LAMA5: variants seen among roughly 807,000 people sequenced by gnomAD.
The protein encoded by LAMA5 is laminin subunit alpha 5.
A neutral mutation model predicts 433.4 loss-of-function variants in LAMA5; 260 were observed. That is an observed-to-expected ratio of 0.60 (90% CI 0.54 to 0.66). LAMA5 has a LOEUF of 0.66. Among genes scored for constraint, LAMA5 ranks in the 30% least tolerant of loss-of-function variants. The pLI, the probability that LAMA5 is intolerant of heterozygous loss-of-function variation, is 0.00. For synonymous variants in LAMA5, 2,620 were observed against 2,226.6 expected (o/e 1.18, Z -4.97); for missense variants, 5,378 against 5,258.5 (o/e 1.02, Z -0.70).
chr20:62,363,863 C>A (rs562235373), intron 1 of LAMA5, among the ~76,000 whole-genome samples: 1 of 152,062 alleles, frequency 6.6e-6, no homozygotes, highest in Non-Finnish European at 1.5e-5. Context: ...CAGGGCAACA[C>A]CCGGTACCCC....
intron 40 of LAMA5, among the ~76,000 whole-genome samples, chr20:62,325,980 G>A (rs1979213358): frequency 6.6e-6 from 1 of 152,200 alleles, no homozygotes; most frequent in South Asian, 2.1e-4. Context: ...CAGCACTTTG[G>A]GAGGCTGAGG....
chr20:62,331,766 G>T (rs6121540), intron 28 of LAMA5, among the ~76,000 whole-genome samples: 134,978 of 152,206 alleles, frequency 0.89, 61,090 homozygotes, highest in Non-Finnish European at 0.98. Context: ...TATAGAAAGT[G>T]CCAGGCCAGG....
chr20:62,310,342 G>T (rs768753176), intron 76 of LAMA5, 31 bp from the exon 77 acceptor site: 1 of 1,574,900 alleles, frequency 6.3e-7, no homozygotes, highest in South Asian at 1.2e-5. Context: ...GGAGAAGAAA[G>T]GGGGGGCCCC....
At chr20:62,320,447 G>T (rs1026122269) in intron 50 of LAMA5, 112 bp downstream of exon 50, 43 of 775,058 alleles carry the variant, frequency 5.5e-5, no homozygotes, top group Admixed American at 2.0e-4. Flanking sequence ...CCTGTCCCCT[G>T]CACTGACACA....
intron 6 of LAMA5, among the ~76,000 whole-genome samples, chr20:62,347,231 T>C (rs920755363): frequency 6.6e-6 from 1 of 151,044 alleles, no homozygotes; most frequent in Admixed American, 6.6e-5. Flanking sequence ...CTGACGCAAC[T>C]TCCCCAGGCT....
intron 2 of LAMA5, among the ~76,000 whole-genome samples, chr20:62,354,721 A>G (rs1568979718): frequency 6.6e-6 from 1 of 152,050 alleles, no homozygotes; most frequent in Non-Finnish European, 1.5e-5. Flanking sequence ...GCTGCAGCCA[A>G]GTGCTCCCAC....
At chr20:62,366,644 T>G (rs1568997212) in intron 1 of LAMA5, among the ~76,000 whole-genome samples, 2 of 152,204 alleles carry the variant, frequency 1.3e-5, no homozygotes, top group African/African-American at 2.4e-5. Context: ...GATCCCGGAC[T>G]TGGGGCCGCC....
intron 20 of LAMA5, 147 bp from the exon 21 acceptor site, chr20:62,334,768 G>GGCGAGA: frequency 1.6e-6 from 1 of 633,998 alleles, no homozygotes; most frequent in Non-Finnish European, 2.7e-6. Context: ...CGAGGGCGAG[G>GGCGAGA]GCGAGGGTGA....
intron 18 of LAMA5, among the ~76,000 whole-genome samples, chr20:62,336,074 GCCC>G (rs963599669): frequency 3.0e-5 from 4 of 134,198 alleles, no homozygotes; most frequent in African/African-American, 8.7e-5. Context: ...ACAGGCTCTA[GCCC>G]CCCAAGGAAC....
chr20:62,351,677 C>T (rs372712544), intron 6 of LAMA5, 27 bp downstream of exon 6: 407 of 1,600,952 alleles, frequency 2.5e-4, no homozygotes, highest in Admixed American at 7.7e-4. Flanking sequence ...CTCACCTGAA[C>T]GGGGCCTCAC....
chr20:62,317,601 C>T (rs777951799), intron 54 of LAMA5, 61 bp downstream of exon 54: 32 of 1,517,500 alleles, frequency 2.1e-5, no homozygotes, highest in South Asian at 2.6e-5. Context: ...AAGCTGCCCA[C>T]GGGCCTGGGA....
Position 62,317,071 on chromosome 20 carries a change from CG to C in LAMA5, c.7512-49del, listed in dbSNP as rs539345998. ...AGGAGTGGGTAAGCGCAGACGCCCT[CG>C]GCCTGGCTCTCCAGCCTCCTGCGCT... On this transcript the variant is annotated intron_variant, in intron 55 of 79. Transcript: ENST00000252999. The C allele has an allele frequency of 6.2e-4, 923 of 1,487,412 alleles. 5 individuals are homozygous for C. The African/African-American group carries it at 0.012, about 20-fold the overall frequency. The allele number at this position is 1,487,412 out of a possible 1,614,324, so 92.1% of individuals were successfully genotyped here. A position where few individuals can be genotyped will look rare whatever the true frequency, so the allele number is the denominator to read the frequency against.
chr20:62,318,896 TC>T lies in LAMA5; in HGVS notation c.6988del (p.Asp2330ThrfsTer27). On this transcript the variant is annotated frameshift_variant, in exon 52 of 80. Transcript: ENST00000252999. LOFTEE classifies it high-confidence loss of function. The part of the protein sequence containing the change: ...ERLLWEMRAR[D>X]LGAPQAAAEA... ...AGCTGCTGCCTGCGGGGCCCCCAGGTCCCGGGCCCGCATCTCCCAGAGCAGC... is the reference window on the plus strand; with the variant it reads ...AGCTGCTGCCTGCGGGGCCCCCAGGTCCGGGCCCGCATCTCCCAGAGCAGC... The T allele has an allele frequency of 1.2e-6, 2 of 1,606,354 alleles. No individual in the cohort carries two copies. The highest frequency in any genetic ancestry group is 1.7e-6 in the Non-Finnish European group (2 of 1,178,344).
intron 16 of LAMA5, 115 bp downstream of exon 16, chr20:62,337,475 A>G: frequency 1.5e-6 from 2 of 1,376,580 alleles, no homozygotes; most frequent in Non-Finnish European, 1.0e-6. Context: ...ACGCAGTCGC[A>G]GTACACACAG....
intron 50 of LAMA5, among the ~76,000 whole-genome samples, chr20:62,320,010 G>T (rs946041081): frequency 1.1e-4 from 16 of 152,146 alleles, no homozygotes; most frequent in African/African-American, 3.6e-4. Context: ...TCAATTTAAT[G>T]AAATAGTTAC....
chr20:62,350,057 T>C (rs1031165033), intron 6 of LAMA5, among the ~76,000 whole-genome samples: 2 of 151,648 alleles, frequency 1.3e-5, no homozygotes, highest in Admixed American at 6.6e-5. Flanking sequence ...TGTGGTTCCA[T>C]GAAAGATTCC....
At chr20:62,328,547 G>T in intron 34 of LAMA5, 102 bp from the exon 35 acceptor site, 5 of 1,246,240 alleles carry the variant, frequency 4.0e-6, no homozygotes, top group Non-Finnish European at 5.4e-6. Context: ...GACGGGGGCG[G>T]GGGAGACAAG....
chr20:62,347,467 ACCTC>A (rs1983568880), intron 6 of LAMA5, among the ~76,000 whole-genome samples: 1 of 151,576 alleles, frequency 6.6e-6, no homozygotes, highest in African/African-American at 2.4e-5. Context: ...TAAGCCCAAA[ACCTC>A]CCTGAGCCAG....
At position 62,316,940 on chromosome 20, in the gene LAMA5, A is replaced by G; in HGVS notation, c.7595T>C (p.Val2532Ala). Reference protein sequence around the residue: ...SNAYSRILQAVQAAEDAAGQA... With the variant: ...SNAYSRILQAAQAAEDAAGQA... ...GCCAGCAGCATCCTCGGCAGCCTGC[A>G]CGGCCTGCAGGATGCGGCTGTAGGC... The change falls in exon 56 of 80, where the codon GTG (valine) becomes GCG (alanine). Residue 2532 changes from valine (V) to alanine (A), a missense_variant. Coordinates refer to ENST00000252999, the MANE Select transcript of LAMA5 (RefSeq NM_005560.6). The G allele has an allele frequency of 6.4e-7, 1 of 1,565,120 alleles. No individual in the cohort carries two copies. The highest frequency in any genetic ancestry group is 8.7e-7 in the Non-Finnish European group (1 of 1,152,230).
Sources: allele counts gnomAD v4.1 joint callset (sites outside exome capture counted in the v4.1 genomes callset), GRCh38; gene constraint gnomAD v4.1.1; transcripts MANE v1.5; gene names NCBI Gene and HGNC (gene_info 2026-07-23, HGNC 2026-07-21).